Variants in EXOC5 observed in about 807,000 individuals in gnomAD.
The protein encoded by EXOC5 is SEC10-like 1.
A neutral mutation model predicts 90.8 loss-of-function variants in EXOC5; 17 were observed. That is an observed-to-expected ratio of 0.19 (90% CI 0.13 to 0.28). The LOEUF (loss-of-function observed/expected upper bound fraction) is 0.28. Among genes scored for constraint, EXOC5 ranks in the 10% least tolerant of loss-of-function variants. The pLI, the probability that EXOC5 is intolerant of heterozygous loss-of-function variation, is 1.00. For missense variants in EXOC5, 569 were observed against 830.6 expected, an observed-to-expected ratio of 0.69 and a Z score of 3.87; for synonymous variants, 260 against 270.0, an observed-to-expected ratio of 0.96 and a Z score of 0.36.
chr14:57,268,875 T>A lies in EXOC5; in HGVS notation c.-227A>T, dbSNP rs934849698. On this transcript the variant is annotated 5_prime_UTR_variant, in exon 1 of 18. Coordinates refer to ENST00000621441, the MANE Select transcript of EXOC5 (RefSeq NM_006544.4). ...CCGGCGCCGCCCGCGCTGCTCCCATTGTCACCGCCTCATACGCCGGAAGTG... is the reference window on the plus strand; with the variant it reads ...CCGGCGCCGCCCGCGCTGCTCCCATAGTCACCGCCTCATACGCCGGAAGTG... 2 of 1,173,596 alleles carry A rather than the reference T, an allele frequency of 1.7e-6. No individual in the cohort carries two copies. Among genetic ancestry groups the A allele is most frequent in the Non-Finnish European group, 1.1e-6 (1 of 879,040 alleles). 72.7% of individuals were successfully genotyped at this position (1,173,596 alleles called of 1,614,324 possible). A position where few individuals can be genotyped will look rare whatever the true frequency, so the allele number is the denominator to read the frequency against.
At chr14:57,256,946 A>G (rs1019554258) in intron 1 of EXOC5, among the ~76,000 whole-genome samples, 1 of 152,160 alleles carries the variant, frequency 6.6e-6, no homozygotes, top group African/African-American at 2.4e-5. Flanking sequence ...TCTGCCCCTC[A>G]TAAATGTTCA....
chr14:57,225,397 A>C (rs1730800014), intron 12 of EXOC5, among the ~76,000 whole-genome samples: 1 of 152,208 alleles, frequency 6.6e-6, no homozygotes, highest in Non-Finnish European at 1.5e-5. Context: ...ACGATTAAAT[A>C]ATTTATTCTT....
chr14:57,265,165 GATTA>G (rs1199253142), intron 1 of EXOC5, among the ~76,000 whole-genome samples: 1 of 150,512 alleles, frequency 6.6e-6, no homozygotes, highest in Non-Finnish European at 1.5e-5. Flanking sequence ...CATCTCATAG[GATTA>G]ATATTTCTAT....
Position 57,205,492 on chromosome 14 carries a change from T to G in EXOC5, c.*3117A>C, listed in dbSNP as rs1410347875. Reference sequence around the variant, plus strand: ...TATGTACTGACTGAACTGCTGTCTCTCAAACACAGTTCAAGCATGCCTTAG... The same window carrying G: ...TATGTACTGACTGAACTGCTGTCTCGCAAACACAGTTCAAGCATGCCTTAG... On this transcript the variant is annotated 3_prime_UTR_variant, in exon 18 of 18. Transcript: ENST00000621441. 5.2e-6 allele frequency: 1 copy of G among 193,002 alleles called. No homozygotes were observed. The highest frequency in any genetic ancestry group is 2.4e-5 in the African/African-American group (1 of 41,772). 12.0% of individuals were successfully genotyped at this position (193,002 alleles called of 1,614,324 possible).
chr14:57,229,779 A>T lies in EXOC5; in HGVS notation c.1251T>A (p.Val417=). The change falls in exon 12 of 18, where the codon GTT becomes GTA. Residue 417 remains valine, a synonymous_variant. Transcript: ENST00000621441. ...GETFLSQEVV[V]NLLQETKQAF... is the part of the protein sequence containing the mutation. ...CTTGTTTGGTTTCTTGTAAAAGATTAACCACCACTTCTTGGGATAGAAAAG... is the reference window on the plus strand; with the variant it reads ...CTTGTTTGGTTTCTTGTAAAAGATTTACCACCACTTCTTGGGATAGAAAAG... 6.6e-7 allele frequency: 1 copy of T among 1,526,498 alleles called. No homozygotes were observed. The highest frequency in any genetic ancestry group is 2.0e-5 in the Admixed American group (1 of 50,774). The allele number at this position is 1,526,498 out of a possible 1,614,324, so 94.6% of individuals were successfully genotyped here.
chr14:57,238,365 T>TACAC (rs1376381938), intron 5 of EXOC5, among the ~76,000 whole-genome samples: 7 of 92,380 alleles, frequency 7.6e-5, no homozygotes, highest in African/African-American at 2.5e-4. Context: ...TATATATATA[T>TACAC]ATATATATAT....
At chr14:57,224,434 A>G (rs942906608) in intron 12 of EXOC5, among the ~76,000 whole-genome samples, 2 of 152,252 alleles carry the variant, frequency 1.3e-5, no homozygotes, top group African/African-American at 4.8e-5. Context: ...ATAAGAAAAT[A>G]TCATGAATAT....
chr14:57,219,187 T>C, intron 14 of EXOC5, 135 bp downstream of exon 14: 1 of 442,358 alleles, frequency 2.3e-6, no homozygotes, highest in African/African-American at 2.0e-5. Context: ...TTTATATTTT[T>C]ATTTCATTTC....
At chr14:57,221,942 C>T (rs1360624892) in intron 13 of EXOC5, among the ~76,000 whole-genome samples, 1 of 151,978 alleles carries the variant, frequency 6.6e-6, no homozygotes, top group African/African-American at 2.4e-5. Context: ...CTATTTTTTT[C>T]CAGACTTAGT....
chr14:57,215,344 T>A (rs1882943625), intron 15 of EXOC5, among the ~76,000 whole-genome samples: 1 of 151,346 alleles, frequency 6.6e-6, no homozygotes, highest in South Asian at 2.1e-4. Flanking sequence ...ATTACAGTGA[T>A]ACCAAAGCCA....
chr14:57,221,414 A>C (rs1027293483), intron 13 of EXOC5, among the ~76,000 whole-genome samples: 2 of 152,202 alleles, frequency 1.3e-5, no homozygotes, highest in Admixed American at 6.6e-5. Flanking sequence ...ATAAGGAAAT[A>C]ATTAAACTGG....
chr14:57,250,048 A>C (rs1444305718), intron 1 of EXOC5, among the ~76,000 whole-genome samples: 1 of 152,180 alleles, frequency 6.6e-6, no homozygotes, highest in Admixed American at 6.5e-5. Context: ...CTGAGATTAC[A>C]GGCATGAGCC....
chr14:57,267,232 A>C (rs1290391824), intron 1 of EXOC5, among the ~76,000 whole-genome samples: 1 of 152,234 alleles, frequency 6.6e-6, no homozygotes, highest in African/African-American at 2.4e-5. Context: ...TTAATGTAGC[A>C]TATCTCCCAA....
chr14:57,234,071 T>G (rs370522941), intron 7 of EXOC5, 39 bp from the exon 8 acceptor site: 7 of 1,386,170 alleles, frequency 5.0e-6, no homozygotes, highest in African/African-American at 2.9e-5. Context: ...TCTGATTCAA[T>G]TATAATAATT....
chr14:57,201,469 T>TATACACACAC lies in EXOC5; in HGVS notation c.*7139_*7140insGTGTGTGTAT. On this transcript the variant is annotated 3_prime_UTR_variant, in exon 18 of 18. Transcript: ENST00000621441. ...GTGTATATATACACACGCGTGTATA[T>TATACACACAC]GTACACACACGTGTATAAACACACG... is the stretch of plus-strand genomic sequence containing the variant. 1 of 140,566 alleles carries TATACACACAC rather than the reference T, an allele frequency of 7.1e-6. No homozygotes were observed. The highest frequency in any genetic ancestry group is 3.0e-5 in the African/African-American group (1 of 33,124). 8.7% of individuals were successfully genotyped at this position (140,566 alleles called of 1,614,324 possible). A position where few individuals can be genotyped will look rare whatever the true frequency, so the allele number is the denominator to read the frequency against.
chr14:57,213,592 G>C (rs1281362393), intron 15 of EXOC5, among the ~76,000 whole-genome samples: 3 of 151,860 alleles, frequency 2.0e-5, no homozygotes, highest in South Asian at 4.2e-4. Flanking sequence ...ATTTTTAGTA[G>C]AGATGGGGTT....
At chr14:57,253,659 A>T (rs1171628174) in intron 1 of EXOC5, among the ~76,000 whole-genome samples, 1 of 152,230 alleles carries the variant, frequency 6.6e-6, no homozygotes, top group Non-Finnish European at 1.5e-5. Context: ...ATAAAGACAG[A>T]CATACAGAAC....
intron 13 of EXOC5, among the ~76,000 whole-genome samples, chr14:57,221,390 CCA>C (rs1883136156): frequency 1.3e-5 from 2 of 152,092 alleles, no homozygotes; most frequent in South Asian, 2.1e-4. Context: ...TAGGAAACCA[CCA>C]CAGAGTTTTA....
At chr14:57,245,520 T>C (rs1165960494) in intron 3 of EXOC5, among the ~76,000 whole-genome samples, 1 of 152,118 alleles carries the variant, frequency 6.6e-6, no homozygotes, top group Non-Finnish European at 1.5e-5. Flanking sequence ...AGCTTAACTA[T>C]TATTATTATT....
Sources: allele counts gnomAD v4.1 joint callset (sites outside exome capture counted in the v4.1 genomes callset), GRCh38; gene constraint gnomAD v4.1.1; transcripts MANE v1.5; gene names NCBI Gene and HGNC (gene_info 2026-07-23, HGNC 2026-07-21).